The following RBFOX1 variants were observed in gnomAD, a reference collection of about 807,000 sequenced individuals.
RBFOX1 encodes RNA binding protein fox-1 homolog 1.
Under a neutral mutation model 57.7 loss-of-function variants are expected in RBFOX1, and 8 were observed. The ratio of observed to expected loss-of-function variants is 0.14; its 90% confidence interval spans 0.08 to 0.25. The LOEUF is 0.25. Ranked by LOEUF, RBFOX1 falls within the 10% of genes least tolerant of loss-of-function variation. The pLI is 1.00. For missense variants in RBFOX1, 611 were observed against 548.5 expected (o/e 1.11, Z -1.14); for synonymous variants, 326 against 222.4 (o/e 1.47, Z -4.15).
chr16:7,173,586 C>T (rs74529693), intron 4 of RBFOX1, among the ~76,000 whole-genome samples: 9,619 of 152,108 alleles, frequency 0.063, 415 homozygotes, highest in Non-Finnish European at 0.093. Flanking sequence ...GTGCATACTA[C>T]TTTTACACTT....
At chr16:5,252,116 T>A (rs2062467695) in intron 1 of RBFOX1, among the ~76,000 whole-genome samples, 1 of 152,118 alleles carries the variant, frequency 6.6e-6, no homozygotes, top group Admixed American at 6.5e-5. Flanking sequence ...CAGGTGACCC[T>A]CTGTTTACTC....
intron 4 of RBFOX1, among the ~76,000 whole-genome samples, chr16:7,346,991 A>G (rs1465930115): frequency 6.6e-6 from 1 of 152,328 alleles, no homozygotes; most frequent in Admixed American, 6.5e-5. Flanking sequence ...CTTGGACTCA[A>G]AAGAGAAAGA....
chr16:6,681,787 G>A (rs1354034710), intron 3 of RBFOX1, among the ~76,000 whole-genome samples: 1 of 152,054 alleles, frequency 6.6e-6, no homozygotes, highest in African/African-American at 2.4e-5. Context: ...TCTCACGTCT[G>A]TAATGTGGAG....
intron 1 of RBFOX1, among the ~76,000 whole-genome samples, chr16:5,298,433 T>A (rs1200595677): frequency 9.4e-6 from 1 of 106,346 alleles, no homozygotes; most frequent in Non-Finnish European, 1.9e-5. Context: ...CTCTCTCCCC[T>A]TCCCTCCCCT....
chr16:5,496,264 C>T (rs1303979248), intron 2 of RBFOX1, among the ~76,000 whole-genome samples: 1 of 152,216 alleles, frequency 6.6e-6, no homozygotes, highest in East Asian at 1.9e-4. Context: ...TCTGTACTGT[C>T]ACTATTTTCT....
At chr16:7,602,752 A>G (rs1345863439) in intron 9 of RBFOX1, among the ~76,000 whole-genome samples, 1 of 152,228 alleles carries the variant, frequency 6.6e-6, no homozygotes, top group Non-Finnish European at 1.5e-5. Context: ...AGACATTTAC[A>G]GAATACCTTT....
intron 3 of RBFOX1, among the ~76,000 whole-genome samples, chr16:5,653,593 C>G (rs1052207736): frequency 1.3e-5 from 2 of 152,162 alleles, no homozygotes; most frequent in East Asian, 3.8e-4. Context: ...TCTCCCTGAC[C>G]TCCTTTGCCT....
intron 3 of RBFOX1, among the ~76,000 whole-genome samples, chr16:5,821,263 G>A (rs944090468): frequency 5.3e-5 from 8 of 151,970 alleles, no homozygotes; most frequent in African/African-American, 1.9e-4. Context: ...GTTGGGGCGG[G>A]GAAGTGGGCT....
intron 1 of RBFOX1, among the ~76,000 whole-genome samples, chr16:5,386,164 G>A (rs1011743150): frequency 1.3e-5 from 2 of 151,794 alleles, no homozygotes; most frequent in African/African-American, 2.4e-5. Context: ...CCCACTAAGA[G>A]GTCAAAGCTA....
intron 4 of RBFOX1, among the ~76,000 whole-genome samples, chr16:7,251,951 C>G (rs2094514203): frequency 2.0e-5 from 3 of 152,158 alleles, no homozygotes; most frequent in Admixed American, 1.3e-4. Flanking sequence ...TGCATTCCCA[C>G]CAACAGTGGG....
At chr16:5,875,846 CTTT>C (rs753084238) in intron 4 of RBFOX1, among the ~76,000 whole-genome samples, 1 of 141,390 alleles carries the variant, frequency 7.1e-6, no homozygotes, top group Non-Finnish European at 1.5e-5. Context: ...AAGAATCCCA[CTTT>C]TTTTTTTTTT....
At chr16:6,815,755 A>G (rs914529146) in intron 3 of RBFOX1, among the ~76,000 whole-genome samples, 3 of 152,190 alleles carry the variant, frequency 2.0e-5, no homozygotes, top group Non-Finnish European at 2.9e-5. Context: ...AAAAGTCTAT[A>G]GTTTGCAGCC....
intron 2 of RBFOX1, among the ~76,000 whole-genome samples, chr16:6,319,862 G>C (rs2081558327): frequency 6.6e-6 from 1 of 152,092 alleles, no homozygotes; most frequent in South Asian, 2.1e-4. Flanking sequence ...TTTCCTATCA[G>C]GCTAAAAATC....
intron 3 of RBFOX1, among the ~76,000 whole-genome samples, chr16:6,706,925 G>A (rs2062854916): frequency 6.6e-6 from 1 of 152,072 alleles, no homozygotes; most frequent in African/African-American, 2.4e-5. Flanking sequence ...GTTTGTACAA[G>A]CTGTATAGTC....
rs142352694 is a variant in RBFOX1, at chr16:5,241,800, C to T, written c.219+1695C>T. ...AGTGATGTTTTGTTCTGGGGTGCAT[C>T]ACAAGAGACAAGGTTCTTGGCCGGG... On this transcript the variant is annotated intron_variant, in intron 1 of 2. Coordinates refer to the RBFOX1 transcript ENST00000585867. 1.5e-3 allele frequency among the ~76,000 whole-genome samples: 224 copies of T among 152,218 alleles called. 3 individuals carry two copies. The East Asian group carries it at 0.036, about 25-fold the overall frequency.
chr16:5,584,660 C>T (rs974128750), intron 2 of RBFOX1, among the ~76,000 whole-genome samples: 2 of 152,132 alleles, frequency 1.3e-5, no homozygotes, highest in Non-Finnish European at 2.9e-5. Context: ...CTGAGGCTGT[C>T]CCTGTGACAC....
chr16:6,606,592 C>T (rs1344314282), intron 2 of RBFOX1, among the ~76,000 whole-genome samples: 2 of 152,112 alleles, frequency 1.3e-5, no homozygotes, highest in African/African-American at 2.4e-5. Context: ...GTTCAGCTCC[C>T]ACCTGGAAGT....
chr16:5,867,430 C>G, intron 4 of RBFOX1: 1 of 859,658 alleles, frequency 1.2e-6, no homozygotes, highest in Non-Finnish European at 1.5e-6. Context: ...ATGATTCTTC[C>G]GTGTTTCATT....
At chr16:7,159,529 A>G (rs2077846649) in intron 4 of RBFOX1, among the ~76,000 whole-genome samples, 1 of 152,174 alleles carries the variant, frequency 6.6e-6, no homozygotes, top group South Asian at 2.1e-4. Flanking sequence ...CGCTAGGACT[A>G]TAGCTTCCAT....
Sources: allele counts gnomAD v4.1 joint callset (sites outside exome capture counted in the v4.1 genomes callset), GRCh38; gene constraint gnomAD v4.1.1; transcripts MANE v1.5; gene names NCBI Gene and HGNC (gene_info 2026-07-23, HGNC 2026-07-21).